Variants in SNX8 observed in about 807,000 individuals in gnomAD.
The protein encoded by SNX8 is sorting nexin-8.
Under a neutral mutation model 51.6 loss-of-function variants are expected in SNX8, and 25 were observed. That is an observed-to-expected ratio of 0.48 (90% CI 0.35 to 0.68). The LOEUF (loss-of-function observed/expected upper bound fraction) is 0.68, where lower values mean the gene tolerates loss of function less well. SNX8 is among the 30% of genes least tolerant of loss of function. The pLI is 0.00. For synonymous variants in SNX8, 324 were observed against 277.0 expected, an observed-to-expected ratio of 1.17 and a Z score of -1.68; for missense variants, 695 against 624.0, an observed-to-expected ratio of 1.11 and a Z score of -1.21.
intron 1 of SNX8, among the ~76,000 whole-genome samples, chr7:2,334,264 G>A (rs1239236792): frequency 3.9e-5 from 6 of 152,078 alleles, no homozygotes; most frequent in Admixed American, 6.6e-5. Context: ...TTAGCCAGGC[G>A]TGGTGGCGGG....
chr7:2,322,756 C>T (rs1428412931), intron 1 of SNX8, among the ~76,000 whole-genome samples: 2 of 151,830 alleles, frequency 1.3e-5, no homozygotes, highest in Admixed American at 1.3e-4. Flanking sequence ...ATGGGTCACG[C>T]CTGTAATCCC....
At chr7:2,352,128 G>T (rs946230162) in intron 1 of SNX8, among the ~76,000 whole-genome samples, 1 of 151,708 alleles carries the variant, frequency 6.6e-6, no homozygotes, top group Non-Finnish European at 1.5e-5. Context: ...GGCTGGTCTC[G>T]AACTCCTGAC....
At chr7:2,304,541 C>T (rs980431833) in intron 1 of SNX8, among the ~76,000 whole-genome samples, 16 of 150,718 alleles carry the variant, frequency 1.1e-4, no homozygotes, top group East Asian at 5.8e-4. Context: ...GAGACTCCAT[C>T]TCAAAAAAAA....
chr7:2,342,917 C>A (rs969397559), intron 1 of SNX8, among the ~76,000 whole-genome samples: 1 of 151,888 alleles, frequency 6.6e-6, no homozygotes, highest in South Asian at 2.1e-4. Context: ...CCACCTCCCG[C>A]GTTCACACAA....
At chr7:2,266,579 T>A (rs1252991611) in intron 5 of SNX8, among the ~76,000 whole-genome samples, 1 of 152,148 alleles carries the variant, frequency 6.6e-6, no homozygotes, top group African/African-American at 2.4e-5. Context: ...ACTCCTGACC[T>A]CGTGATCCAC....
chr7:2,342,984 G>A (rs1463980629), intron 1 of SNX8, among the ~76,000 whole-genome samples: 4 of 151,804 alleles, frequency 2.6e-5, no homozygotes, highest in Admixed American at 2.0e-4. Context: ...TAGTAGAGAC[G>A]GGGTTTTACC....
At chr7:2,307,514 C>T (rs1475874326) in intron 1 of SNX8, among the ~76,000 whole-genome samples, 1 of 151,820 alleles carries the variant, frequency 6.6e-6, no homozygotes, top group Non-Finnish European at 1.5e-5. Flanking sequence ...CACGTGTAAT[C>T]CCAGCTACTC....
intron 1 of SNX8, among the ~76,000 whole-genome samples, chr7:2,298,270 A>G (rs1584716391): frequency 6.6e-6 from 1 of 151,964 alleles, no homozygotes. Context: ...GGCCTGCCCC[A>G]TCATGTGCAG....
intron 1 of SNX8, among the ~76,000 whole-genome samples, chr7:2,290,655 C>G (rs1309306777): frequency 6.6e-6 from 1 of 152,330 alleles, no homozygotes; most frequent in Admixed American, 6.5e-5. Context: ...CGAGGCAGGG[C>G]AACAGCCGCA....
intron 1 of SNX8, among the ~76,000 whole-genome samples, chr7:2,284,395 CCTTT>C (rs1427448809): frequency 9.4e-6 from 1 of 106,176 alleles, no homozygotes; most frequent in African/African-American, 3.7e-5. Flanking sequence ...GCTTTTATTT[CCTTT>C]TTTTTTTTTT....
chr7:2,332,465 T>A (rs1258805742), intron 1 of SNX8, among the ~76,000 whole-genome samples: 1 of 151,970 alleles, frequency 6.6e-6, no homozygotes. Context: ...CAACACAATC[T>A]TAGAGAAGGC....
intron 1 of SNX8, among the ~76,000 whole-genome samples, chr7:2,325,839 A>AT (rs1193438686): frequency 1.3e-5 from 2 of 152,058 alleles, no homozygotes; most frequent in Admixed American, 6.6e-5. Flanking sequence ...CTCAAAAAAA[A>AT]TTTTTTTAAA....
chr7:2,317,402 C>T (rs1016812613), upstream of SNX8, among the ~76,000 whole-genome samples: 2 of 150,916 alleles, frequency 1.3e-5, no homozygotes, highest in African/African-American at 2.4e-5. Flanking sequence ...CTCAGCCTCC[C>T]GTGTAGCTGG....
chr7:2,272,346 T>C (rs1795668866), intron 3 of SNX8, among the ~76,000 whole-genome samples: 1 of 151,638 alleles, frequency 6.6e-6, no homozygotes, highest in African/African-American at 2.4e-5. Flanking sequence ...TTTGCTACGC[T>C]CTAACACTAA....
chr7:2,277,477 C>G (rs1431497867), intron 2 of SNX8, among the ~76,000 whole-genome samples: 1 of 151,474 alleles, frequency 6.6e-6, no homozygotes, highest in Non-Finnish European at 1.5e-5. Flanking sequence ...GCTTTGTGCT[C>G]TGTGGACCGT....
chr7:2,317,305 G>A (rs1474218670), upstream of SNX8, among the ~76,000 whole-genome samples: 5 of 94,596 alleles, frequency 5.3e-5, no homozygotes, highest in African/African-American at 2.0e-4. Context: ...TTGAGACAGA[G>A]TCTCACTCTG....
At chr7:2,284,513 T>C (rs1377141290) in intron 1 of SNX8, among the ~76,000 whole-genome samples, 1 of 145,564 alleles carries the variant, frequency 6.9e-6, no homozygotes, top group Non-Finnish European at 1.5e-5. Flanking sequence ...GCGATTCTCC[T>C]GCCTCAGCCT....
chr7:2,312,741 A>T lies in SNX8; in HGVS notation c.94+1587T>A, dbSNP rs114873793. Among the ~76,000 whole-genome samples the T allele has an allele frequency of 8.2e-3, 1,235 of 150,656 alleles. 16 individuals are homozygous for T. Among genetic ancestry groups the T allele is most frequent in the African/African-American group, 0.029 (1,171 of 40,382 alleles). ...CCTTGCCAGACCTCCCCACAAGGGGATTCCCCAATCTTGTCCCCCCCCACC... is the reference window on the plus strand; with the variant it reads ...CCTTGCCAGACCTCCCCACAAGGGGTTTCCCCAATCTTGTCCCCCCCCACC... On this transcript the variant is annotated intron_variant, in intron 1 of 10. Transcript: ENST00000222990.
Position 2,301,504 on chromosome 7 carries a change from A to AC in SNX8, c.94+12823dup, listed in dbSNP as rs1157486848. Among the ~76,000 whole-genome samples the AC allele has an allele frequency of 4.6e-5, 7 of 152,294 alleles. No homozygotes were observed. The East Asian group carries it at 1.3e-3, about 29-fold the overall frequency. ...GTCCTGCTCCTTGCAGAGCAGAACC[A>AC]CCCCCTTACCAGGGCACCCAGAGCA... On this transcript the variant is annotated intron_variant, in intron 1 of 10. Transcript: ENST00000222990.
Sources: gnomAD v4.1 joint callset for allele counts (sites outside exome capture counted in the v4.1 genomes callset) on GRCh38, gnomAD v4.1.1 for gene constraint, MANE v1.5 for transcripts, NCBI Gene and HGNC (gene_info 2026-07-23, HGNC 2026-07-21) for gene names.